Variants in ZFHX3 observed in about 807,000 individuals in gnomAD.
The protein encoded by ZFHX3 is zinc finger homeobox 3, also known as zinc finger homeobox protein 3.
Under a neutral mutation model 279.1 loss-of-function variants are expected in ZFHX3, and 42 were observed. The ratio of observed to expected loss-of-function variants is 0.15; its 90% CI spans 0.12 to 0.19. The LOEUF is 0.19. ZFHX3 is among the 10% of genes least tolerant of loss of function. ZFHX3 has a pLI of 1.00. For synonymous variants in ZFHX3, 2,293 were observed against 1,957.8 expected, an observed-to-expected ratio of 1.17 and a Z score of -4.52; for missense variants, 4,981 against 4,754.0, an observed-to-expected ratio of 1.05 and a Z score of -1.40.
chr16:73,332,359 T>C (rs1480896225), intron 3 of ZFHX3, among the ~76,000 whole-genome samples: 1 of 152,202 alleles, frequency 6.6e-6, no homozygotes, highest in Non-Finnish European at 1.5e-5. Context: ...ATCATTTACA[T>C]GACAGTGTAG....
chr16:72,872,796 A>G (rs1163833996), intron 4 of ZFHX3, among the ~76,000 whole-genome samples: 2 of 151,916 alleles, frequency 1.3e-5, no homozygotes, highest in Admixed American at 1.3e-4. Flanking sequence ...ATTCACACTC[A>G]CCTACACGCC....
chr16:73,818,593 C>A (rs1003963503), intron 1 of ZFHX3, among the ~76,000 whole-genome samples: 2 of 152,308 alleles, frequency 1.3e-5, no homozygotes, highest in African/African-American at 4.8e-5. Context: ...AATAAGCAGA[C>A]ACCCACACTC....
At chr16:73,295,041 G>C (rs141640027) in intron 4 of ZFHX3, among the ~76,000 whole-genome samples, 4,828 of 152,036 alleles carry the variant, frequency 0.032, 256 homozygotes, top group African/African-American at 0.11. Flanking sequence ...GTGAAACCAA[G>C]TCTTTACTAA....
At chr16:73,093,672 G>A (rs975804531) in intron 7 of ZFHX3, 7 of 416,324 alleles carry the variant, frequency 1.7e-5, no homozygotes, top group Non-Finnish European at 3.4e-5. Flanking sequence ...CCATTACAGC[G>A]CTGATTAAAT....
intron 5 of ZFHX3, among the ~76,000 whole-genome samples, chr16:73,209,389 G>T (rs2011927498): frequency 6.6e-6 from 1 of 152,102 alleles, no homozygotes; most frequent in Non-Finnish European, 1.5e-5. Context: ...GAAGTCCAAG[G>T]TCAAGGCGCC....
chr16:73,219,171 C>T (rs926452385), intron 5 of ZFHX3, among the ~76,000 whole-genome samples: 1 of 152,202 alleles, frequency 6.6e-6, no homozygotes, highest in Non-Finnish European at 1.5e-5. Flanking sequence ...GGATAGATCA[C>T]ATTTTGTTTG....
intron 5 of ZFHX3, among the ~76,000 whole-genome samples, chr16:73,191,127 G>A (rs1039923993): frequency 6.6e-6 from 1 of 152,094 alleles, no homozygotes; most frequent in South Asian, 2.1e-4. Context: ...CCTCCTGCAG[G>A]AGCTGTTTCA....
intron 3 of ZFHX3, among the ~76,000 whole-genome samples, chr16:73,453,826 G>A (rs946124340): frequency 6.6e-6 from 1 of 152,150 alleles, no homozygotes; most frequent in Admixed American, 6.6e-5. Flanking sequence ...AGGGAAACAC[G>A]TCTTTGTAAA....
intron 9 of ZFHX3, chr16:72,791,066 C>T (rs956998444): frequency 7.2e-5 from 11 of 152,306 alleles, no homozygotes; most frequent in African/African-American, 2.6e-4. Context: ...AGGCAAGGTA[C>T]TTCATCCCCC....
chr16:73,656,675 G>C (rs2052724018), intron 2 of ZFHX3, among the ~76,000 whole-genome samples: 1 of 152,102 alleles, frequency 6.6e-6, no homozygotes, highest in Non-Finnish European at 1.5e-5. Flanking sequence ...ACACAATAAA[G>C]TACTTCCACC....
chr16:73,494,875 G>A (rs573230347), intron 2 of ZFHX3, among the ~76,000 whole-genome samples: 4 of 152,194 alleles, frequency 2.6e-5, no homozygotes, highest in East Asian at 1.9e-4. Flanking sequence ...GCAAAACTAC[G>A]TGTTTAAGAG....
At chr16:73,653,745 G>A (rs952085578) in intron 2 of ZFHX3, among the ~76,000 whole-genome samples, 3 of 150,972 alleles carry the variant, frequency 2.0e-5, no homozygotes, top group African/African-American at 7.4e-5. Flanking sequence ...AAAACAGAAT[G>A]TGTTGAAAAA....
chr16:73,419,718 G>T, intron 3 of ZFHX3, among the ~76,000 whole-genome samples: 1 of 151,756 alleles, frequency 6.6e-6, no homozygotes, highest in East Asian at 1.9e-4. Flanking sequence ...AAATAGCTGG[G>T]ATCATAGGTG....
chr16:73,592,740 G>T (rs372291608), intron 2 of ZFHX3, among the ~76,000 whole-genome samples: 1 of 109,918 alleles, frequency 9.1e-6, no homozygotes, highest in African/African-American at 2.6e-5. Flanking sequence ...ATAATAAAAA[G>T]GTTTTTTTAA....
At chr16:72,968,462 T>C (rs1024345040) in intron 1 of ZFHX3, among the ~76,000 whole-genome samples, 7 of 22,792 alleles carry the variant, frequency 3.1e-4, no homozygotes, top group African/African-American at 1.8e-3. Flanking sequence ...TTAATTTCCT[T>C]TTTTTTTTTT....
At chr16:73,602,503 C>T (rs534355904) in intron 2 of ZFHX3, among the ~76,000 whole-genome samples, 49 of 152,218 alleles carry the variant, frequency 3.2e-4, no homozygotes, top group African/African-American at 1.2e-3. Flanking sequence ...CTTAATTGTC[C>T]ATATATGCCA....
chr16:73,194,253 G>T (rs1017707170), intron 5 of ZFHX3, among the ~76,000 whole-genome samples: 1 of 152,110 alleles, frequency 6.6e-6, no homozygotes, highest in African/African-American at 2.4e-5. Context: ...AGGCTGGAGT[G>T]CAGTGGTGCG....
At chr16:73,157,465 T>TAACAAAAAAA (rs1967119362) in intron 5 of ZFHX3, among the ~76,000 whole-genome samples, 1 of 76,522 alleles carries the variant, frequency 1.3e-5, no homozygotes, top group Non-Finnish European at 2.3e-5. Flanking sequence ...GAATGTTTGG[T>TAACAAAAAAA]AAAAAAAAAA....
At position 73,761,505 on chromosome 16, in the gene ZFHX3, A is replaced by C. The variant is rs184541326; in HGVS notation, c.-1607-81265T>G. ...ACTACTTTAAAATTCATATGGAACC[A>C]AAAAGAGCCCATATAGCCAAGACAA... On this transcript the variant is annotated intron_variant, in intron 1 of 17. Coordinates refer to the ZFHX3 transcript ENST00000641206. 2.0e-3 allele frequency among the ~76,000 whole-genome samples: 299 copies of C among 152,308 alleles called. 3 individuals carry two copies. The highest frequency in any genetic ancestry group is 0.018 in the Admixed American group (270 of 15,296).
Sources: allele counts gnomAD v4.1 joint callset (sites outside exome capture counted in the v4.1 genomes callset), GRCh38; gene constraint gnomAD v4.1.1; transcripts MANE v1.5; gene names NCBI Gene and HGNC (gene_info 2026-07-23, HGNC 2026-07-21).